Variants in ARAP1 observed in about 807,000 individuals in gnomAD.
ARAP1 encodes the protein ArfGAP with RhoGAP domain, ankyrin repeat and PH domain 1.
In ARAP1, 76 loss-of-function variants were observed where a neutral mutation model predicts 172.2. That is an observed-to-expected ratio of 0.44 (90% CI 0.37 to 0.53). The LOEUF is 0.53. ARAP1 is among the 20% of genes least tolerant of loss of function. The probability of loss-of-function intolerance (pLI) is 0.00; values close to 1 mark genes in which losing one functional copy is unlikely to be tolerated. For synonymous variants in ARAP1, 804 were observed against 803.3 expected (o/e 1.00, Z -0.01); for missense variants, 1,686 against 1,977.5 (o/e 0.85, Z 2.80).
intron 2 of ARAP1, among the ~76,000 whole-genome samples, chr11:72,728,454 G>A (rs542657469): frequency 3.3e-5 from 5 of 152,120 alleles, no homozygotes; most frequent in African/African-American, 7.2e-5. Flanking sequence ...GGTGGCATGC[G>A]CCTGTAGTCC....
At chr11:72,748,914 T>C (rs1426568483) in intron 1 of ARAP1, among the ~76,000 whole-genome samples, 1 of 152,206 alleles carries the variant, frequency 6.6e-6, no homozygotes, top group Non-Finnish European at 1.5e-5. Context: ...GCATGCACAT[T>C]GGATGGGGAT....
chr11:72,713,799 A>AT, intron 4 of ARAP1, among the ~76,000 whole-genome samples: 1 of 148,848 alleles, frequency 6.7e-6, no homozygotes, highest in South Asian at 2.2e-4. Context: ...GTGGGCGGAG[A>AT]TTGCACCACT....
chr11:72,688,004 GTTGT>G (rs1278449831), intron 31 of ARAP1, among the ~76,000 whole-genome samples: 3 of 65,952 alleles, frequency 4.5e-5, no homozygotes, highest in South Asian at 4.8e-4. Flanking sequence ...TTTTTTTGTT[GTTGT>G]TTTTTTTTTG....
chr11:72,736,192 A>G (rs2135583739), intron 1 of ARAP1, among the ~76,000 whole-genome samples: 1 of 150,998 alleles, frequency 6.6e-6, no homozygotes, highest in African/African-American at 2.4e-5. Flanking sequence ...TACCTTGAAT[A>G]CTGACCTTTT....
At position 72,697,157 on chromosome 11, in the gene ARAP1, T is replaced by A; in HGVS notation, c.2992A>T (p.Thr998Ser). 1 of 1,604,348 alleles carries A rather than the reference T, an allele frequency of 6.2e-7. No individual in the cohort carries two copies. Among genetic ancestry groups the A allele is most frequent in the Non-Finnish European group, 8.5e-7 (1 of 1,179,778 alleles). ...SEGIYRKCGQ[T>S]SKTQRLLESL... Reference sequence around the variant, plus strand: ...TCCAGCAGCCGCTGTGTCTTCGATGTCTGCCCACACTTGCGGTAGATGCCC... The same window carrying A: ...TCCAGCAGCCGCTGTGTCTTCGATGACTGCCCACACTTGCGGTAGATGCCC... The change falls in exon 22 of 35, where the codon ACA (threonine) becomes TCA (serine). Residue 998 changes from threonine (T) to serine (S), a missense_variant. Coordinates refer to ENST00000393609, the MANE Select transcript of ARAP1 (RefSeq NM_001040118.3).
In ARAP1 at chr11:72,693,750, C is replaced by T. The variant is rs992518248; in HGVS notation, c.3750G>A (p.Thr1250=). 1.4e-5 allele frequency: 23 copies of T among 1,610,484 alleles called. No homozygotes were observed. The highest frequency in any genetic ancestry group is 1.9e-5 in the Non-Finnish European group (22 of 1,178,428). Reference sequence around the variant, plus strand: ...GCTTCTTCACCACCAGGTGGCTGTCCGTGCCCAGCCCGTGCAGGATGGGCA... The same window carrying T: ...GCTTCTTCACCACCAGGTGGCTGTCTGTGCCCAGCCCGTGCAGGATGGGCA... The part of the protein sequence containing the change: ...KVLPILHGLG[T]DSHLVVKKHQ... The change falls in exon 28 of 35, where the codon ACG becomes ACA. Residue 1250 remains threonine, a synonymous_variant. Coordinates refer to ENST00000393609, the MANE Select transcript of ARAP1 (RefSeq NM_001040118.3). The surrounding 1 kb of genome is among the most constrained non-coding windows in gnomAD (Gnocchi z 4.6).
Position 72,703,080 on chromosome 11 carries a change from C to A in ARAP1, c.1993-1G>T. On this transcript the variant is annotated splice_acceptor_variant, in intron 14 of 34. Transcript: ENST00000393609. LOFTEE classifies it high-confidence loss of function. ...TGGTGGTGACTGCAGCACACAGGGC[C>A]TAGGAAGAGGCAGGGGAGGGTCAGC... 2 of 1,560,378 alleles carry A rather than the reference C, an allele frequency of 1.3e-6. No homozygotes were observed. The highest frequency in any genetic ancestry group is 1.7e-6 in the Non-Finnish European group (2 of 1,155,044).
chr11:72,722,750 AGG>A (rs1488329371), intron 3 of ARAP1, among the ~76,000 whole-genome samples: 1 of 152,162 alleles, frequency 6.6e-6, no homozygotes, highest in Non-Finnish European at 1.5e-5. Context: ...CAGGTATCAG[AGG>A]GGGACACCAA....
At chr11:72,713,861 A>G (rs1565222702) in intron 4 of ARAP1, among the ~76,000 whole-genome samples, 4 of 151,862 alleles carry the variant, frequency 2.6e-5, no homozygotes, top group East Asian at 3.9e-4. Flanking sequence ...AAAAAAAAAA[A>G]AAAGAAAAGC....
chr11:72,686,325 T>C, intron 33 of ARAP1, 134 bp from the exon 34 acceptor site: 2 of 1,207,046 alleles, frequency 1.7e-6, no homozygotes, highest in Non-Finnish European at 1.1e-6. Flanking sequence ...TCCCCGCCGA[T>C]ATGAGAAGCA....
chr11:72,717,118 T>C (rs1857310271), intron 3 of ARAP1, among the ~76,000 whole-genome samples: 2 of 152,096 alleles, frequency 1.3e-5, no homozygotes, highest in Non-Finnish European at 2.9e-5. Context: ...GGGTGAACGA[T>C]GACCAAGCAA....
intron 3 of ARAP1, among the ~76,000 whole-genome samples, chr11:72,723,240 C>T (rs1198456401): frequency 3.3e-5 from 5 of 151,960 alleles, no homozygotes; most frequent in African/African-American, 9.7e-5. Context: ...CCCAGGAGTT[C>T]GAGGCTACAG....
intron 1 of ARAP1, among the ~76,000 whole-genome samples, chr11:72,749,886 G>T (rs1482950289): frequency 8.7e-6 from 1 of 115,502 alleles, no homozygotes; most frequent in Admixed American, 8.3e-5. Context: ...AAAAAAAAAA[G>T]TTCCCTCTCC....
intron 3 of ARAP1, among the ~76,000 whole-genome samples, chr11:72,720,424 T>C (rs1002717180): frequency 6.6e-6 from 1 of 152,144 alleles, no homozygotes; most frequent in Non-Finnish European, 1.5e-5. Context: ...CAGCCCTTCC[T>C]AGGGTCTCAC....
rs556645906 is a variant in ARAP1 at position 72,732,966 on chromosome 11, G to A, written c.-127-369C>T. 5.9e-5 allele frequency among the ~76,000 whole-genome samples: 9 copies of A among 152,164 alleles called. No homozygotes were observed. The East Asian group carries it at 1.5e-3, about 26-fold the overall frequency. ...CCACTACACTCCAGCCTGGGAAACA[G>A]AGCCAGACCCTGTCTCAAAAAAAAG... is the stretch of plus-strand genomic sequence containing the variant. On this transcript the variant is annotated intron_variant, in intron 1 of 34. Coordinates refer to ENST00000393609, the MANE Select transcript of ARAP1 (RefSeq NM_001040118.3).
In ARAP1 at chr11:72,739,934, G is replaced by A. The variant is rs975226314; in HGVS notation, c.-127-7337C>T. 5.3e-4 allele frequency among the ~76,000 whole-genome samples: 80 copies of A among 152,128 alleles called. 2 individuals are homozygous for A. Among genetic ancestry groups the A allele is most frequent in the Admixed American group, 2.8e-3 (43 of 15,276 alleles). On this transcript the variant is annotated intron_variant, in intron 1 of 34. Coordinates refer to ENST00000393609, the MANE Select transcript of ARAP1 (RefSeq NM_001040118.3). Reference sequence around the variant, plus strand: ...ACCAGACCTGACTTCACGGCATTCTGGACCTCCCCTGGAATGCCCTGGCAT... The same window carrying A: ...ACCAGACCTGACTTCACGGCATTCTAGACCTCCCCTGGAATGCCCTGGCAT...
At chr11:72,706,460 C>T (rs1403524885) in intron 12 of ARAP1, among the ~76,000 whole-genome samples, 3 of 152,222 alleles carry the variant, frequency 2.0e-5, no homozygotes, top group Non-Finnish European at 2.9e-5. Context: ...CGTCAGCTCC[C>T]AAGAGGACAG....
intron 30 of ARAP1, among the ~76,000 whole-genome samples, chr11:72,692,463 C>T (rs1460495044): frequency 6.6e-6 from 1 of 152,212 alleles, no homozygotes; most frequent in Non-Finnish European, 1.5e-5. Flanking sequence ...CTAATTCAAA[C>T]CTAGGTGCCA....
At chr11:72,742,107 G>A (rs1858217007) in intron 1 of ARAP1, among the ~76,000 whole-genome samples, 1 of 151,942 alleles carries the variant, frequency 6.6e-6, no homozygotes, top group African/African-American at 2.4e-5. Context: ...GAGGGAGACA[G>A]GGGGACCAGC....
Sources: allele counts gnomAD v4.1 joint callset (sites outside exome capture counted in the v4.1 genomes callset), GRCh38; gene constraint gnomAD v4.1.1; non-coding constraint Gnocchi (gnomAD v3.1); transcripts MANE v1.5; gene names NCBI Gene and HGNC (gene_info 2026-07-23, HGNC 2026-07-21).